The following TECTA variants were observed in gnomAD, a reference collection of about 807,000 sequenced individuals.
The protein encoded by TECTA is tectorin alpha.
A neutral mutation model predicts 216.8 loss-of-function variants in TECTA; 128 were observed. The observed-to-expected ratio is 0.59, with a 90% CI of 0.51 to 0.68. The LOEUF (loss-of-function observed/expected upper bound fraction) is 0.68, where lower values mean the gene tolerates loss of function less well. TECTA is among the 30% of genes least tolerant of loss of function. The pLI is 0.00. For synonymous variants in TECTA, 1,089 were observed against 1,117.1 expected (o/e 0.97, Z 0.50); for missense variants, 2,551 against 2,786.2 (o/e 0.92, Z 1.90).
Position 121,137,760 on chromosome 11 carries a change from C to A in TECTA, c.3281C>A (p.Ala1094Asp). ...GAAGGTGGCCTGTACTACTGCCAAG[C>A]CCGCACCGACGCCTCCTGCATCGTC... Reference protein sequence around the residue: ...MEEGGLYYCQARTDASCIVSG... With the variant: ...MEEGGLYYCQDRTDASCIVSG... Residue 1094 changes from alanine (A) to aspartate (D), a missense_variant, in exon 11 of 24, where the codon GCC (alanine) becomes GAC (aspartate). By Grantham distance (126) the Ala-to-Asp change is moderately radical. This residue lies in a region of TECTA where 2,375 missense variants were observed against 2,563.9 expected (regional missense o/e 0.93). Transcript: ENST00000392793. 1 of 1,614,166 alleles carries A rather than the reference C, an allele frequency of 6.2e-7. No individual in the cohort carries two copies. The highest frequency in any genetic ancestry group is 8.5e-7 in the Non-Finnish European group (1 of 1,180,038).
At chr11:121,110,113 A>G (rs538936) in intron 4 of TECTA, 66,114 of 154,238 alleles carry the variant, frequency 0.43, 14,832 homozygotes, top group Non-Finnish European at 0.51. Flanking sequence ...AATCCCAAAT[A>G]AGCAGTCAAA....
rs71486359 is a variant in TECTA at position 121,185,558 on chromosome 11, G to C, written c.6000-2274G>C. ...TGAACGAGTAGGGAAAGCAGATGTT[G>C]AATGCTTAATGAATGAGTAGGGAAA... is the stretch of plus-strand genomic sequence containing the variant. On this transcript the variant is annotated intron_variant, in intron 20 of 23. Transcript: ENST00000392793. Among the ~76,000 whole-genome samples the C allele has an allele frequency of 2.9e-3, 305 of 104,694 alleles. 1 individual carries two copies. The highest frequency in any genetic ancestry group is 9.2e-3 in the East Asian group (39 of 4,244). The allele number at this position is 104,694 out of a possible 152,430, so 68.7% of individuals were successfully genotyped here. A position where few individuals can be genotyped will look rare whatever the true frequency, so the allele number is the denominator to read the frequency against.
chr11:121,176,983 T>G (rs1484269395), intron 20 of TECTA, among the ~76,000 whole-genome samples: 1 of 152,262 alleles, frequency 6.6e-6, no homozygotes, highest in African/African-American at 2.4e-5. Flanking sequence ...CTGAGGCTTC[T>G]GCATTCTTCA....
In TECTA at chr11:121,158,017, C is replaced by T; in HGVS notation, c.4482C>T (p.Val1494=). The change falls in exon 14 of 24, where the codon GTC becomes GTT. Residue 1494 remains valine (V), a synonymous_variant. Coordinates refer to ENST00000392793, the MANE Select transcript of TECTA (RefSeq NM_005422.4). ...TSYCLAAGGG[V]FRTFDGAFLR... Reference sequence around the variant, plus strand: ...ACTGCCTGGCGGCCGGCGGCGGCGTCTTCCGCACCTTCGACGGCGCCTTCC... The same window carrying T: ...ACTGCCTGGCGGCCGGCGGCGGCGTTTTCCGCACCTTCGACGGCGCCTTCC... The T allele has an allele frequency of 6.2e-7, 1 of 1,613,018 alleles. No individual in the cohort carries two copies. The highest frequency in any genetic ancestry group is 1.3e-5 in the African/African-American group (1 of 75,060).
At chr11:121,190,627 G>A in intron 23 of TECTA, 79 bp from the exon 24 acceptor site, 4 of 1,120,026 alleles carry the variant, frequency 3.6e-6, no homozygotes, top group Non-Finnish European at 5.4e-6. Context: ...CTTTAGCTGA[G>A]TGCTGCAAAG....
chr11:121,127,254 G>T lies in TECTA; in HGVS notation c.1775-498G>T, dbSNP rs893164670. On this transcript the variant is annotated intron_variant, in intron 8 of 23. Transcript: ENST00000392793. The surrounding 1 kb of genome is among the most constrained non-coding windows in gnomAD (Gnocchi z 5.0). ...GAATTCATCCCCACAGCCTTCCTTG[G>T]TCACACTTAGGTATTTTAAGTGCCT... is the stretch of plus-strand genomic sequence containing the variant. 2.6e-5 allele frequency among the ~76,000 whole-genome samples: 4 copies of T among 152,058 alleles called. No homozygotes were observed. The highest frequency in any genetic ancestry group is 6.6e-5 in the Admixed American group (1 of 15,258).
At chr11:121,109,626 G>A (rs1946424659) in intron 4 of TECTA, 128 bp downstream of exon 4, 2 of 1,158,962 alleles carry the variant, frequency 1.7e-6, no homozygotes, top group Non-Finnish European at 2.5e-6. Context: ...AAACTAATGA[G>A]TTTTGCTACC....
intron 20 of TECTA, among the ~76,000 whole-genome samples, chr11:121,187,053 G>A (rs1262890671): frequency 1.3e-5 from 2 of 152,186 alleles, no homozygotes; most frequent in Admixed American, 6.5e-5. Flanking sequence ...CCTGGTCCGG[G>A]CATGACTAGG....
At chr11:121,174,448 T>C (rs1452067438) in intron 20 of TECTA, among the ~76,000 whole-genome samples, 2 of 152,232 alleles carry the variant, frequency 1.3e-5, no homozygotes, top group East Asian at 1.9e-4. Flanking sequence ...ATTGAGATAA[T>C]CATGTGATTT....
chr11:121,147,347 ACAGT>A (rs1169255488), intron 12 of TECTA, among the ~76,000 whole-genome samples: 1 of 152,168 alleles, frequency 6.6e-6, no homozygotes, highest in Non-Finnish European at 1.5e-5. Context: ...CAACACTCAC[ACAGT>A]CAGTTTACAT....
chr11:121,125,414 T>C lies in TECTA; in HGVS notation c.1316T>C (p.Phe439Ser), dbSNP rs1484775139. ...ACAGATTTTGGGCTCTTAGTGACTT[T>C]TGATGGCCAGCACTACGCCTCCATT... ...VETDFGLLVT[F>S]DGQHYASISV... Residue 439 changes from phenylalanine to serine, a missense_variant, in exon 8 of 24, where the codon TTT becomes TCT. By Grantham distance (155) the Phe-to-Ser change is radical (BLOSUM62 -2). Coordinates refer to ENST00000392793, the MANE Select transcript of TECTA (RefSeq NM_005422.4). 1.2e-6 allele frequency: 2 copies of C among 1,614,252 alleles called. No individual in the cohort carries two copies. Among genetic ancestry groups the C allele is most frequent in the African/African-American group, 2.7e-5 (2 of 75,074 alleles).
intron 20 of TECTA, among the ~76,000 whole-genome samples, chr11:121,174,063 T>A (rs913407851): frequency 6.6e-6 from 1 of 152,216 alleles, no homozygotes; most frequent in Non-Finnish European, 1.5e-5. Flanking sequence ...TTTGCTGAAG[T>A]TGCTTATGAG....
intron 13 of TECTA, among the ~76,000 whole-genome samples, chr11:121,156,579 G>A (rs1312901119): frequency 2.0e-5 from 3 of 151,620 alleles, no homozygotes; most frequent in African/African-American, 4.9e-5. Flanking sequence ...CCTGACCTCC[G>A]GTGATCCACC....
At chr11:121,153,849 T>A (rs2135116107) in intron 13 of TECTA, among the ~76,000 whole-genome samples, 1 of 152,340 alleles carries the variant, frequency 6.6e-6, no homozygotes, top group Middle Eastern at 3.4e-3. Context: ...GACAAGGTAT[T>A]TAGTTCATGG....
At chr11:121,169,349 A>T (rs1043128990) in intron 20 of TECTA, among the ~76,000 whole-genome samples, 16 of 152,190 alleles carry the variant, frequency 1.1e-4, no homozygotes, top group Non-Finnish European at 2.9e-5. Context: ...TAGCCTATAG[A>T]CTCAACAAGT....
chr11:121,104,157 A>G (rs1946370907), intron 2 of TECTA, among the ~76,000 whole-genome samples: 1 of 152,252 alleles, frequency 6.6e-6, no homozygotes, highest in Non-Finnish European at 1.5e-5. Flanking sequence ...AAAGTTCCCC[A>G]TGAAGGATAA....
At chr11:121,178,518 G>GTGTA (rs1491572442) in intron 20 of TECTA, among the ~76,000 whole-genome samples, 1 of 12,042 alleles carries the variant, frequency 8.3e-5, no homozygotes, top group Non-Finnish European at 1.3e-4. Flanking sequence ...CTTGTAGTTA[G>GTGTA]TGTGTGTGTG....
intron 20 of TECTA, among the ~76,000 whole-genome samples, chr11:121,182,298 C>T (rs1397651018): frequency 2.0e-5 from 3 of 151,960 alleles, no homozygotes; most frequent in Admixed American, 2.0e-4. Context: ...GGCCAACTCT[C>T]AGGCCCCAGA....
At position 121,137,471 on chromosome 11, in the gene TECTA, G is replaced by T. The variant is rs2135095709; in HGVS notation, c.2992G>T (p.Glu998Ter). 6.2e-7 allele frequency: 1 copy of T among 1,613,946 alleles called. No homozygotes were observed. Among genetic ancestry groups the T allele is most frequent in the South Asian group, 1.1e-5 (1 of 91,082 alleles). ...SHFEECITCT[E>*]TCETLTLGPI... is the part of the protein sequence containing the mutation. ...CTTTGAGGAGTGCATCACATGTACA[G>T]AGACCTGTGAGACCCTTACCCTGGG... Residue 998 changes from glutamate to a stop codon, truncating the protein, a stop_gained, in exon 11 of 24, where the codon GAG (glutamate) becomes TAG (stop). Coordinates refer to ENST00000392793, the MANE Select transcript of TECTA (RefSeq NM_005422.4). LOFTEE classifies it high-confidence loss of function.
Sources: allele counts gnomAD v4.1 joint callset (sites outside exome capture counted in the v4.1 genomes callset), GRCh38; gene constraint gnomAD v4.1.1; regional missense constraint gnomAD v4.1.1; non-coding constraint Gnocchi (gnomAD v3.1); transcripts MANE v1.5; gene names NCBI Gene and HGNC (gene_info 2026-07-23, HGNC 2026-07-21).